The following VSTM4 variants were observed in gnomAD, a reference collection of about 807,000 sequenced individuals.
The protein encoded by VSTM4 is V-set and transmembrane domain-containing protein 4.
Under a neutral mutation model 36.4 loss-of-function variants are expected in VSTM4, and 20 were observed. The observed-to-expected ratio is 0.55, with a 90% CI of 0.39 to 0.80. VSTM4 has a LOEUF of 0.80. Ranked by LOEUF, VSTM4 falls within the 30% of genes least tolerant of loss-of-function variation. VSTM4 has a pLI of 0.00. For missense variants in VSTM4, 392 were observed against 404.5 expected, an observed-to-expected ratio of 0.97 and a Z score of 0.26; for synonymous variants, 182 against 173.9, an observed-to-expected ratio of 1.05 and a Z score of -0.37.
At chr10:49,042,583 A>G (rs1292670125) in intron 7 of VSTM4, among the ~76,000 whole-genome samples, 1 of 152,194 alleles carries the variant, frequency 6.6e-6, no homozygotes, top group Non-Finnish European at 1.5e-5. Flanking sequence ...TGCAACCCAC[A>G]AGCTGTGTGA....
chr10:49,081,894 C>T (rs931524252), intron 3 of VSTM4, among the ~76,000 whole-genome samples: 1 of 152,214 alleles, frequency 6.6e-6, no homozygotes, highest in African/African-American at 2.4e-5. Flanking sequence ...ACCTGAGTTC[C>T]CCTTGATTGA....
At chr10:49,087,257 T>G (rs948744524) in intron 2 of VSTM4, among the ~76,000 whole-genome samples, 1 of 152,234 alleles carries the variant, frequency 6.6e-6, no homozygotes, top group Non-Finnish European at 1.5e-5. Context: ...ATCTCAGTTC[T>G]CTAATGAATT....
At chr10:49,080,608 G>A (rs1374582224) in intron 3 of VSTM4, among the ~76,000 whole-genome samples, 1 of 152,240 alleles carries the variant, frequency 6.6e-6, no homozygotes, top group Non-Finnish European at 1.5e-5. Context: ...AGGAGAGAGG[G>A]GCAGGTGTGT....
rs150226837 is a variant in VSTM4, at chr10:49,107,728, G to A, written c.323C>T (p.Ala108Val). The change falls in exon 2 of 8, where the codon GCG becomes GTG. Residue 108 changes from alanine to valine, a missense_variant. Transcript: ENST00000332853. ...RLRLLEEQRG[A>V]LYRLSVLTLQ... ...TGTCAAGACGGAGAGCCTGTAGAGC[G>A]CCCCCCGCTGCTCCTCCAGCAGGCG... 59 of 1,614,120 alleles carry A rather than the reference G, an allele frequency of 3.7e-5. No individual in the cohort carries two copies. The African/African-American group carries it at 4.3e-4, about 12-fold the overall frequency.
intron 4 of VSTM4, 21 bp downstream of exon 4, chr10:49,077,198 T>C (rs1590111071): frequency 1.2e-6 from 2 of 1,612,224 alleles, no homozygotes; most frequent in Middle Eastern, 1.9e-4. Flanking sequence ...ATCCCAGACA[T>C]GACCTTATCT....
chr10:49,069,057 T>A (rs1030303074), intron 4 of VSTM4, among the ~76,000 whole-genome samples: 6 of 148,088 alleles, frequency 4.1e-5, no homozygotes, highest in African/African-American at 1.2e-4. Flanking sequence ...GCTGAAACCA[T>A]GCTGCTCACA....
At position 49,043,683 on chromosome 10, in the gene VSTM4, T is replaced by C. The variant is rs1470765867; in HGVS notation, c.837+3300A>G. 3.3e-5 allele frequency among the ~76,000 whole-genome samples: 5 copies of C among 152,310 alleles called. No homozygotes were observed. In the East Asian group the frequency reaches 7.7e-4, roughly 23 times the overall value. On this transcript the variant is annotated intron_variant, in intron 7 of 7. Transcript: ENST00000332853. The stretch of plus-strand genomic sequence containing the variant: ...ATTGTTTAGAATATGGTGATGAAAT[T>C]AGCAAATAATGATTGTTGAAATAGA...
At chr10:49,110,685 A>C (rs551842488) in intron 1 of VSTM4, among the ~76,000 whole-genome samples, 1 of 152,200 alleles carries the variant, frequency 6.6e-6, no homozygotes, top group South Asian at 2.1e-4. Flanking sequence ...TCTTTATAAG[A>C]AGAGGAGATA....
intron 7 of VSTM4, among the ~76,000 whole-genome samples, chr10:49,045,409 A>T (rs1017296163): frequency 2.0e-5 from 3 of 152,256 alleles, no homozygotes; most frequent in Non-Finnish European, 4.4e-5. Flanking sequence ...ATCTAGAAAG[A>T]TTAAGGGAAA....
intron 1 of VSTM4, among the ~76,000 whole-genome samples, chr10:49,109,871 C>G (rs1844860866): frequency 6.6e-6 from 1 of 152,240 alleles, no homozygotes. Flanking sequence ...ACAATTCCCC[C>G]TGCATCTCGC....
intron 2 of VSTM4, chr10:49,102,652 G>C (rs1310166663): frequency 1.0e-5 from 10 of 985,112 alleles, no homozygotes; most frequent in Middle Eastern, 5.2e-4. Flanking sequence ...GATTGAAATA[G>C]GTCAAGGGAA....
At chr10:49,091,717 A>T (rs1371740010) in intron 2 of VSTM4, among the ~76,000 whole-genome samples, 1 of 152,184 alleles carries the variant, frequency 6.6e-6, no homozygotes, top group Non-Finnish European at 1.5e-5. Flanking sequence ...GGACGCTGAC[A>T]TGCTTTGTCT....
At position 49,018,820 on chromosome 10, in the gene VSTM4, T is replaced by A. The variant is rs890105117; in HGVS notation, c.*830A>T. On this transcript the variant is annotated 3_prime_UTR_variant, in exon 8 of 8. Transcript: ENST00000332853. ...GCAGCAGACACCTTCAGGGGCTGAA[T>A]CAGAGGTGACTGAGCTTGGCACACA... is the stretch of plus-strand genomic sequence containing the variant. The A allele has an allele frequency of 6.6e-6, 1 of 152,204 alleles. No homozygotes were observed. The highest frequency in any genetic ancestry group is 1.5e-5 in the Non-Finnish European group (1 of 68,026). The allele number at this position is 152,204 out of a possible 1,614,324, so 9.4% of individuals were successfully genotyped here.
intron 5 of VSTM4, among the ~76,000 whole-genome samples, chr10:49,057,796 G>A (rs1400602673): frequency 6.6e-6 from 1 of 152,172 alleles, no homozygotes; most frequent in Non-Finnish European, 1.5e-5. Flanking sequence ...GTGGGCAGAG[G>A]GAGGGCACAA....
chr10:49,072,395 T>TGGTC (rs1844095096), intron 4 of VSTM4, among the ~76,000 whole-genome samples: 1 of 152,120 alleles, frequency 6.6e-6, no homozygotes, highest in Non-Finnish European at 1.5e-5. Context: ...GCCCCACAGG[T>TGGTC]GGTCGCAGTT....
chr10:49,085,051 C>G (rs376017260), intron 3 of VSTM4, among the ~76,000 whole-genome samples: 5 of 152,360 alleles, frequency 3.3e-5, no homozygotes, highest in African/African-American at 1.2e-4. Context: ...GTTGAGAACC[C>G]CTGCCCTAAG....
intron 5 of VSTM4, 126 bp from the exon 6 acceptor site, chr10:49,048,710 G>A (rs535117589): frequency 1.1e-3 from 758 of 717,112 alleles, no homozygotes; most frequent in Middle Eastern, 2.7e-3. Context: ...GTAAGGGAAG[G>A]TTATCATATG....
chr10:49,036,593 G>T (rs903989504), intron 7 of VSTM4, among the ~76,000 whole-genome samples: 1 of 152,184 alleles, frequency 6.6e-6, no homozygotes, highest in African/African-American at 2.4e-5. Flanking sequence ...AAATAATTTT[G>T]CTGGGATTTG....
intron 2 of VSTM4, chr10:49,103,704 G>C: frequency 6.2e-7 from 1 of 1,608,488 alleles, no homozygotes; most frequent in African/African-American, 1.3e-5. Flanking sequence ...CTTTCTTTCT[G>C]GGAGTTTCCA....
Sources: allele counts gnomAD v4.1 joint callset (sites outside exome capture counted in the v4.1 genomes callset), GRCh38; gene constraint gnomAD v4.1.1; transcripts MANE v1.5; gene names NCBI Gene and HGNC (gene_info 2026-07-23, HGNC 2026-07-21).